The following FAM227B variants were observed in gnomAD, a reference collection of about 807,000 sequenced individuals.
The protein encoded by FAM227B is family with sequence similarity 227 member B.
Under a neutral mutation model 73.8 loss-of-function variants are expected in FAM227B, and 88 were observed. The ratio of observed to expected loss-of-function variants is 1.19; its 90% CI spans 1.00 to 1.42. The LOEUF (loss-of-function observed/expected upper bound fraction) is 1.42. Among genes scored for constraint, FAM227B ranks in the 40% most tolerant of loss-of-function variants. The pLI is 0.00. For synonymous variants in FAM227B, 210 were observed against 190.5 expected, an observed-to-expected ratio of 1.10 and a Z score of -0.84; for missense variants, 632 against 590.9, an observed-to-expected ratio of 1.07 and a Z score of -0.72.
At chr15:49,411,751 C>T (rs1436283256) in intron 11 of FAM227B, among the ~76,000 whole-genome samples, 2 of 151,946 alleles carry the variant, frequency 1.3e-5, no homozygotes, top group Non-Finnish European at 2.9e-5. Context: ...GGCGGAAGTT[C>T]TTATATTTGG....
At chr15:49,414,419 C>T (rs1385636422) in intron 11 of FAM227B, among the ~76,000 whole-genome samples, 6 of 151,864 alleles carry the variant, frequency 4.0e-5, no homozygotes, top group Non-Finnish European at 8.8e-5. Context: ...GGGGGGAAAT[C>T]TCCCTACACC....
intron 11 of FAM227B, among the ~76,000 whole-genome samples, chr15:49,468,345 T>G (rs538180591): frequency 2.0e-5 from 3 of 152,298 alleles, no homozygotes; most frequent in South Asian, 4.1e-4. Flanking sequence ...TTGAATTTCA[T>G]GCTAATTTGA....
intron 9 of FAM227B, among the ~76,000 whole-genome samples, chr15:49,562,049 C>T (rs765732986): frequency 2.0e-5 from 3 of 151,740 alleles, no homozygotes; most frequent in Admixed American, 6.6e-5. Flanking sequence ...AAAGGATCAT[C>T]CAAGCCAAAA....
intron 11 of FAM227B, among the ~76,000 whole-genome samples, chr15:49,477,619 G>A (rs143434320): frequency 0.017 from 2,572 of 152,188 alleles, 34 homozygotes; most frequent in Middle Eastern, 0.037. Flanking sequence ...TTGATGATAC[G>A]AATAAAGCTT....
chr15:49,459,515 T>C (rs2053605310), intron 11 of FAM227B, among the ~76,000 whole-genome samples: 2 of 152,132 alleles, frequency 1.3e-5, no homozygotes, highest in Admixed American at 6.6e-5. Context: ...TTCAGCATTG[T>C]GTTAAGTGCT....
At chr15:49,558,787 A>G (rs936682546) in intron 9 of FAM227B, among the ~76,000 whole-genome samples, 7 of 152,108 alleles carry the variant, frequency 4.6e-5, no homozygotes, top group Admixed American at 2.6e-4. Context: ...AGGAGCCTGG[A>G]AATTACCTAC....
At chr15:49,610,420 T>TAAAAAAAAAAAAAAAAAAAA (rs72044107) in intron 3 of FAM227B, among the ~76,000 whole-genome samples, 1 of 119,608 alleles carries the variant, frequency 8.4e-6, no homozygotes, top group Non-Finnish European at 1.8e-5. Flanking sequence ...ACATTGAAAG[T>TAAAAAAAAAAAAAAAAAAAA]AAAAAAAAAA....
chr15:49,394,031 G>T (rs1295100541), intron 11 of FAM227B, among the ~76,000 whole-genome samples: 1 of 151,962 alleles, frequency 6.6e-6, no homozygotes, highest in Non-Finnish European at 1.5e-5. Flanking sequence ...CCCTTTTTTG[G>T]ATTAATTAGG....
At chr15:49,525,321 G>A (rs920425004) in intron 10 of FAM227B, among the ~76,000 whole-genome samples, 4 of 151,946 alleles carry the variant, frequency 2.6e-5, no homozygotes, top group East Asian at 1.9e-4. Flanking sequence ...TTCTCTCTTC[G>A]CCTGCTGCCA....
chr15:49,499,266 A>C (rs1475453583), intron 11 of FAM227B, among the ~76,000 whole-genome samples: 1 of 152,026 alleles, frequency 6.6e-6, no homozygotes, highest in Non-Finnish European at 1.5e-5. Flanking sequence ...TGCACCCAAC[A>C]AAAATGCAAA....
intron 11 of FAM227B, chr15:49,423,418 T>G (rs1309665970): frequency 6.6e-6 from 1 of 152,152 alleles, no homozygotes; most frequent in African/African-American, 2.4e-5. Flanking sequence ...TTCTTATATA[T>G]CCAGCTGTTA....
chr15:49,554,308 G>A (rs1049491851), intron 9 of FAM227B, among the ~76,000 whole-genome samples: 6 of 152,164 alleles, frequency 3.9e-5, no homozygotes, highest in East Asian at 1.9e-4. Context: ...CCCTACTGAT[G>A]TGTCACTATG....
At chr15:49,538,383 T>C (rs1364154145) in intron 10 of FAM227B, among the ~76,000 whole-genome samples, 2 of 152,094 alleles carry the variant, frequency 1.3e-5, no homozygotes, top group Non-Finnish European at 2.9e-5. Context: ...GCACAACTGC[T>C]CTGGGGGACC....
intron 11 of FAM227B, among the ~76,000 whole-genome samples, chr15:49,405,633 A>G (rs189131524): frequency 1.8e-4 from 28 of 152,278 alleles, no homozygotes; most frequent in African/African-American, 6.3e-4. Flanking sequence ...TATAGTGGCT[A>G]TTCTGTCTGT....
intron 10 of FAM227B, among the ~76,000 whole-genome samples, chr15:49,509,205 TTG>T (rs1298255432): frequency 6.6e-6 from 1 of 152,088 alleles, no homozygotes; most frequent in Non-Finnish European, 1.5e-5. Context: ...AAGGAAATGG[TTG>T]TGTGTGACCT....
chr15:49,579,193 C>T (rs1049395360), intron 5 of FAM227B, among the ~76,000 whole-genome samples: 6 of 152,104 alleles, frequency 3.9e-5, no homozygotes, highest in Non-Finnish European at 8.8e-5. Flanking sequence ...TTCTTATATA[C>T]TATTGGTGGG....
chr15:49,517,106 G>T (rs563808261), intron 10 of FAM227B, among the ~76,000 whole-genome samples: 29 of 152,240 alleles, frequency 1.9e-4, no homozygotes, highest in African/African-American at 7.0e-4. Flanking sequence ...ATATACATTT[G>T]TGTTGTTATA....
intron 11 of FAM227B, among the ~76,000 whole-genome samples, chr15:49,448,016 T>C (rs910148833): frequency 1.2e-4 from 18 of 151,652 alleles, no homozygotes; most frequent in African/African-American, 3.6e-4. Flanking sequence ...ATTTGAGAGT[T>C]TGAAATTATT....
intron 11 of FAM227B, among the ~76,000 whole-genome samples, chr15:49,440,682 C>G (rs1322004952): frequency 6.6e-6 from 1 of 151,658 alleles, no homozygotes; most frequent in African/African-American, 2.4e-5. Context: ...TTTCTCTCAT[C>G]TAATTCCATT....
Sources: gnomAD v4.1 joint callset for allele counts (sites outside exome capture counted in the v4.1 genomes callset) on GRCh38, gnomAD v4.1.1 for gene constraint, MANE v1.5 for transcripts, NCBI Gene and HGNC (gene_info 2026-07-23, HGNC 2026-07-21) for gene names.